SLC14A2: variants seen among roughly 807,000 people sequenced by gnomAD.
The protein encoded by SLC14A2 is urea transporter 2.
In SLC14A2, 91 loss-of-function variants were observed where a neutral mutation model predicts 104.6. That is an observed-to-expected ratio of 0.87 (90% CI 0.73 to 1.04). The LOEUF (loss-of-function observed/expected upper bound fraction) is 1.04, where lower values mean the gene tolerates loss of function less well. Among genes scored for constraint, SLC14A2 ranks in the 50% least tolerant of loss-of-function variants. The pLI, the probability that SLC14A2 is intolerant of heterozygous loss-of-function variation, is 0.00. For synonymous variants in SLC14A2, 476 were observed against 466.4 expected (o/e 1.02, Z -0.27); for missense variants, 1,189 against 1,156.0 (o/e 1.03, Z -0.41).
chr18:45,196,439 G>T, the SLC14A2 span, among the ~76,000 whole-genome samples: 3 of 152,320 alleles, frequency 2.0e-5, no homozygotes, highest in Non-Finnish European at 4.4e-5. Flanking sequence ...TTCCCTCTGC[G>T]AAGCTGTGAT....
At chr18:45,535,342 C>A (rs1417710456) in intron 2 of SLC14A2, among the ~76,000 whole-genome samples, 1 of 152,094 alleles carries the variant, frequency 6.6e-6, no homozygotes, top group East Asian at 1.9e-4. Flanking sequence ...TTGTTGGAAG[C>A]GTAATTGGTT....
At chr18:45,192,945 G>A in the SLC14A2 span, among the ~76,000 whole-genome samples, 1 of 151,850 alleles carries the variant, frequency 6.6e-6, no homozygotes, top group African/African-American at 2.4e-5. Flanking sequence ...ATGAACCACC[G>A]GGCCTGGCCA....
intron 2 of SLC14A2, among the ~76,000 whole-genome samples, chr18:45,510,041 C>T (rs915499162): frequency 1.3e-5 from 2 of 152,364 alleles, no homozygotes; most frequent in South Asian, 2.1e-4. Context: ...TCTCCCTCAC[C>T]TCCTCACTGT....
intron 1 of SLC14A2, among the ~76,000 whole-genome samples, chr18:45,243,221 A>G (rs2084335033): frequency 6.6e-6 from 1 of 152,252 alleles, no homozygotes; most frequent in Non-Finnish European, 1.5e-5. Context: ...GAATAGAGGC[A>G]TGAGAGATAA....
chr18:45,547,914 G>T (rs943697430), intron 2 of SLC14A2, among the ~76,000 whole-genome samples: 17 of 152,302 alleles, frequency 1.1e-4, no homozygotes, highest in African/African-American at 4.1e-4. Context: ...TTGGCCTGGG[G>T]TGATCAGAGG....
At chr18:45,508,812 C>T (rs534133121) in intron 2 of SLC14A2, among the ~76,000 whole-genome samples, 39 of 152,314 alleles carry the variant, frequency 2.6e-4, no homozygotes, top group African/African-American at 8.4e-4. Flanking sequence ...AGGCATCATG[C>T]ACACACAAAA....
the SLC14A2 span, among the ~76,000 whole-genome samples, chr18:45,201,286 C>G: frequency 6.6e-6 from 1 of 152,070 alleles, no homozygotes; most frequent in African/African-American, 2.4e-5. Context: ...GTCATTTTAG[C>G]CAGCCCACTT....
At chr18:45,369,812 T>C (rs2085703503) in intron 1 of SLC14A2, among the ~76,000 whole-genome samples, 1 of 152,294 alleles carries the variant, frequency 6.6e-6, no homozygotes, top group South Asian at 2.1e-4. Flanking sequence ...GACTCTTTGG[T>C]GAGATTACAG....
At chr18:45,209,711 T>A (rs1179244294), upstream of SLC14A2, among the ~76,000 whole-genome samples, 1 of 152,184 alleles carries the variant, frequency 6.6e-6, no homozygotes, top group Non-Finnish European at 1.5e-5. Flanking sequence ...CTTGCTAACC[T>A]ATTTTTCGAG....
In SLC14A2 at chr18:45,568,284, T is replaced by C. The variant is rs1599014618; in HGVS notation, c.-34-56347T>C. Among the ~76,000 whole-genome samples the C allele has an allele frequency of 5.3e-5, 8 of 152,362 alleles. 2 individuals are homozygous for C. The highest frequency in any genetic ancestry group is 5.2e-4 in the Admixed American group (8 of 15,308). ...CTATGGCCTGCAGGACCAGGCTAAC[T>C]GATGAGCTCTATGGGCACAGCCAGT... On this transcript the variant is annotated intron_variant, in intron 2 of 20. Transcript: ENST00000586448.
intron 1 of SLC14A2, among the ~76,000 whole-genome samples, chr18:45,299,068 C>T (rs2084943121): frequency 6.6e-6 from 1 of 152,120 alleles, no homozygotes; most frequent in Non-Finnish European, 1.5e-5. Flanking sequence ...TTCTTTGACA[C>T]ATTAGGAATT....
chr18:45,668,202 G>T (rs1168730609), intron 14 of SLC14A2, 147 bp from the exon 15 acceptor site: 10 of 1,169,608 alleles, frequency 8.5e-6, no homozygotes, highest in Non-Finnish European at 9.7e-6. Context: ...GGATTCATAG[G>T]GTTGTCTTCC....
chr18:45,199,242 CA>C, the SLC14A2 span, among the ~76,000 whole-genome samples: 1 of 152,042 alleles, frequency 6.6e-6, no homozygotes, highest in Admixed American at 6.6e-5. Context: ...TGTGTGTACA[CA>C]TTAGGCTTTT....
intron 1 of SLC14A2, among the ~76,000 whole-genome samples, chr18:45,320,654 C>T (rs2085176012): frequency 6.6e-6 from 1 of 152,200 alleles, no homozygotes; most frequent in African/African-American, 2.4e-5. Context: ...TCTGGACTTG[C>T]AGCTGAAGTT....
chr18:45,295,502 AGAG>A (rs1347928958), intron 1 of SLC14A2, among the ~76,000 whole-genome samples: 1 of 152,126 alleles, frequency 6.6e-6, no homozygotes, highest in African/African-American at 2.4e-5. Flanking sequence ...CCACCGCTGA[AGAG>A]GAGAACTAGT....
At chr18:45,271,171 A>T (rs957853446) in intron 1 of SLC14A2, among the ~76,000 whole-genome samples, 1 of 152,170 alleles carries the variant, frequency 6.6e-6, no homozygotes. Flanking sequence ...GAGCCTAACC[A>T]AGTTAGAAGA....
intron 10 of SLC14A2, among the ~76,000 whole-genome samples, chr18:45,649,869 C>A (rs531015798): frequency 4.6e-5 from 7 of 152,362 alleles, no homozygotes; most frequent in African/African-American, 1.7e-4. Context: ...TTCTAGATGA[C>A]AGTTAGTTGT....
chr18:45,377,248 G>C (rs1459788001), intron 1 of SLC14A2, among the ~76,000 whole-genome samples: 1 of 149,464 alleles, frequency 6.7e-6, no homozygotes, highest in African/African-American at 2.5e-5. Context: ...GCTCAGGGGT[G>C]ATTTTTTTTT....
rs1457776301 is a variant in SLC14A2 at position 45,521,348 on chromosome 18, G to T, written c.-35+38026G>T. ...CTGGCATTGTGCTAAGGACTACTGG[G>T]AATGCAGAATACATAACTCAGAAAG... On this transcript the variant is annotated intron_variant, in intron 2 of 20. Transcript: ENST00000586448. 3.9e-5 allele frequency among the ~76,000 whole-genome samples: 6 copies of T among 152,168 alleles called. No individual in the cohort carries two copies. In the East Asian group the frequency reaches 9.6e-4, roughly 24 times the overall value.
Sources: allele counts gnomAD v4.1 joint callset (sites outside exome capture counted in the v4.1 genomes callset), GRCh38; gene constraint gnomAD v4.1.1; transcripts MANE v1.5; gene names NCBI Gene and HGNC (gene_info 2026-07-23, HGNC 2026-07-21).